The following FCF1 variants were observed in gnomAD, a reference collection of about 807,000 sequenced individuals.
The protein encoded by FCF1 is FCF1 rRNA-processing protein.
FCF1 carries 17 observed loss-of-function variants against 32.5 expected under a neutral mutation model. That is an observed-to-expected ratio of 0.52 (90% CI 0.36 to 0.78). FCF1 has a LOEUF of 0.78. Ranked by LOEUF, FCF1 falls within the 30% of genes least tolerant of loss-of-function variation. FCF1 has a pLI of 0.00. For synonymous variants in FCF1, 84 were observed against 78.4 expected (o/e 1.07, Z -0.38); for missense variants, 201 against 241.1 (o/e 0.83, Z 1.10).
At chr14:74,727,865 A>G (rs1291832152) in intron 5 of FCF1, among the ~76,000 whole-genome samples, 1 of 152,142 alleles carries the variant, frequency 6.6e-6, no homozygotes, top group Admixed American at 6.6e-5. Context: ...TAAATAGGGA[A>G]TCCTTTCCCC....
intron 3 of FCF1, chr14:74,715,672 A>G: frequency 4.0e-6 from 2 of 498,452 alleles, no homozygotes; most frequent in South Asian, 2.0e-5. Flanking sequence ...TGGTGATTCT[A>G]CTTTTGCTAG....
Position 74,713,180 on chromosome 14 carries a change from C to T in FCF1, c.-18C>T, listed in dbSNP as rs750165282. The T allele has an allele frequency of 2.2e-5, 36 of 1,614,012 alleles. No homozygotes were observed. The highest frequency in any genetic ancestry group is 3.0e-5 in the Non-Finnish European group (35 of 1,180,042). Reference sequence around the variant, plus strand: ...GCGCCGTTGGTGATTACGGAAGAACCAGGAGTTTGGCGTGACCATGGTGAG... The same window carrying T: ...GCGCCGTTGGTGATTACGGAAGAACTAGGAGTTTGGCGTGACCATGGTGAG... On this transcript the variant is annotated 5_prime_UTR_variant, in exon 1 of 8. Transcript: ENST00000341162.
Position 74,734,065 on chromosome 14 carries a change from GTCTC to G in FCF1, c.454-9_454-6del, listed in dbSNP as rs1257896731. On this transcript the variant is annotated splice_region_variant and splice_polypyrimidine_tract_variant and intron_variant, in intron 6 of 7. Transcript: ENST00000341162. ...GACCTCAGTGTGAACATCACTCCAT[GTCTC>G]TTACAGCATAAGTGTTACATTGTGG... The G allele has an allele frequency of 6.3e-7, 1 of 1,597,202 alleles. No homozygotes were observed. Among genetic ancestry groups the G allele is most frequent in the African/African-American group, 1.3e-5 (1 of 74,548 alleles).
intron 5 of FCF1, among the ~76,000 whole-genome samples, chr14:74,731,401 T>C (rs973186071): frequency 6.6e-6 from 1 of 152,188 alleles, no homozygotes; most frequent in African/African-American, 2.4e-5. Flanking sequence ...GTTGCCCACC[T>C]AGTTTGTCAG....
Position 74,716,055 on chromosome 14 carries a change from A to C in FCF1, c.248A>C (p.Lys83Thr), listed in dbSNP as rs745589030. 3.1e-6 allele frequency: 5 copies of C among 1,613,902 alleles called. No individual in the cohort carries two copies. Among genetic ancestry groups the C allele is most frequent in the Non-Finnish European group, 4.2e-6 (5 of 1,179,928 alleles). The stretch of plus-strand genomic sequence containing the variant: ...TTTATCAACTTTTCCATAAAAGCCA[A>C]ACTGGACTTAGTGCAGTCAATGATG... ...TNFINFSIKA[K>T]LDLVQSMMDC... is the part of the protein sequence containing the mutation. Residue 83 changes from lysine to threonine, a missense_variant, in exon 4 of 8, where the codon AAA becomes ACA. By Grantham distance (78) the Lys-to-Thr change is moderately conservative. Coordinates refer to ENST00000341162, the MANE Select transcript of FCF1 (RefSeq NM_015962.5).
At position 74,735,628 on chromosome 14, in the gene FCF1, G is replaced by A. The variant is rs2090697046; in HGVS notation, c.*698G>A. ...TCTGTCACCAGGCTGGAGTGCAGTG[G>A]CGTGATCTGGGCTCACTGCAACCCC... On this transcript the variant is annotated 3_prime_UTR_variant, in exon 8 of 8. Transcript: ENST00000341162. The A allele has an allele frequency of 6.6e-6, 1 of 151,390 alleles. No homozygotes were observed. Among genetic ancestry groups the A allele is most frequent in the African/African-American group, 2.4e-5 (1 of 41,008 alleles). 9.4% of individuals were successfully genotyped at this position (151,390 alleles called of 1,614,324 possible). A position where few individuals can be genotyped will look rare whatever the true frequency, so the allele number is the denominator to read the frequency against.
Position 74,735,146 on chromosome 14 carries a change from G to A in FCF1, c.*216G>A, listed in dbSNP as rs1214572444. The A allele has an allele frequency of 3.9e-5, 17 of 440,150 alleles. No homozygotes were observed. Among genetic ancestry groups the A allele is most frequent in the South Asian group, 8.7e-5 (3 of 34,416 alleles). 27.3% of individuals were successfully genotyped at this position (440,150 alleles called of 1,614,324 possible). On this transcript the variant is annotated 3_prime_UTR_variant, in exon 8 of 8. Transcript: ENST00000341162. ...TACCTTTTAAGCATTTTGTGGGGCC[G>A]CGGGGGTTGGGGGGAATCTGTGCAG...
intron 5 of FCF1, among the ~76,000 whole-genome samples, chr14:74,729,277 A>G (rs1175590378): frequency 6.6e-6 from 1 of 151,918 alleles, no homozygotes; most frequent in Non-Finnish European, 1.5e-5. Context: ...CCACAATTTC[A>G]GCTCCTGTTA....
rs2090395116 is a variant in FCF1, at chr14:74,714,875, A to G, written c.75A>G (p.Lys25=). ...RMLSLRDQRL[K]EKDRLKPKKK... The stretch of plus-strand genomic sequence containing the variant: ...TAATTTACCTTTTTCTTCCTAGTAA[A>G]GAAAAGGATAGATTAAAACCTAAAA... Residue 25 remains lysine, a synonymous_variant, in exon 3 of 8, where the codon AAA becomes AAG. Coordinates refer to ENST00000341162, the MANE Select transcript of FCF1 (RefSeq NM_015962.5). The G allele has an allele frequency of 6.4e-7, 1 of 1,572,214 alleles. No individual in the cohort carries two copies. Among genetic ancestry groups the G allele is most frequent in the African/African-American group, 1.4e-5 (1 of 72,694 alleles).
At chr14:74,713,794 A>G (rs1291705721) in intron 2 of FCF1, among the ~76,000 whole-genome samples, 1 of 152,188 alleles carries the variant, frequency 6.6e-6, no homozygotes, top group Non-Finnish European at 1.5e-5. Context: ...TTTGTCTGCC[A>G]TATCGCATTT....
intron 7 of FCF1, among the ~76,000 whole-genome samples, 183 bp from the exon 8 acceptor site, chr14:74,734,699 A>G (rs1037228644): frequency 6.6e-6 from 1 of 152,206 alleles, no homozygotes; most frequent in African/African-American, 2.4e-5. Context: ...TGAAAAAACA[A>G]TCATATTGTA....
chr14:74,724,387 A>C (rs1047388531), intron 5 of FCF1, among the ~76,000 whole-genome samples: 2 of 152,136 alleles, frequency 1.3e-5, no homozygotes, highest in African/African-American at 4.8e-5. Context: ...GGGCTTAAGC[A>C]GTCCTCCTGC....
intron 4 of FCF1, among the ~76,000 whole-genome samples, chr14:74,721,778 A>C (rs2090507133): frequency 6.6e-6 from 1 of 152,222 alleles, no homozygotes. Context: ...TATTGTTTAA[A>C]TACATAATTT....
intron 5 of FCF1, among the ~76,000 whole-genome samples, chr14:74,732,030 C>G (rs1450289383): frequency 6.6e-6 from 1 of 152,120 alleles, no homozygotes; most frequent in African/African-American, 2.4e-5. Flanking sequence ...TTTGTCCATT[C>G]TCATACCCCA....
intron 5 of FCF1, among the ~76,000 whole-genome samples, chr14:74,729,412 G>A (rs2090607955): frequency 6.6e-6 from 1 of 152,098 alleles, no homozygotes; most frequent in African/African-American, 2.4e-5. Flanking sequence ...AGTATTCTCT[G>A]ATGGTAGTTT....
intron 1 of FCF1, 86 bp from the exon 2 acceptor site, chr14:74,713,399 G>T: frequency 6.5e-7 from 1 of 1,536,294 alleles, no homozygotes; most frequent in South Asian, 1.1e-5. Flanking sequence ...AGGCAAGAAG[G>T]GAAGGCAATA....
chr14:74,734,121 A>G lies in FCF1; in HGVS notation c.499A>G (p.Arg167Gly), dbSNP rs749609416. Residue 167 changes from arginine to glycine, a missense_variant, in exon 7 of 8, where the codon AGA becomes GGA. This residue lies in a region of FCF1 where 121 missense variants were observed against 147.8 expected (regional missense o/e 0.82). Transcript: ENST00000341162. The stretch of plus-strand genomic sequence containing the variant: ...CACAGTTGACCGGGACCTGAAAAGA[A>G]GAATCCGTAAGATTCCTGGAGTTCC... ...VATVDRDLKR[R>G]IRKIPGVPIM... The G allele has an allele frequency of 2.5e-6, 4 of 1,613,748 alleles. No homozygotes were observed. Among genetic ancestry groups the G allele is most frequent in the Non-Finnish European group, 3.4e-6 (4 of 1,179,786 alleles).
rs375864204 is a variant in FCF1 at position 74,734,413 on chromosome 14, TA to T, written c.548+246del. On this transcript the variant is annotated intron_variant, in intron 7 of 7. Transcript: ENST00000341162. Reference sequence around the variant, plus strand: ...ACTGGAAGAAATAGACGTATTGTTTTAAATAAAAGCAGTAATTTAAATCAAG... The same window carrying T: ...ACTGGAAGAAATAGACGTATTGTTTTAATAAAAGCAGTAATTTAAATCAAG... Among the ~76,000 whole-genome samples, 222 of 152,266 alleles carry T rather than the reference TA, an allele frequency of 1.5e-3. 5 individuals are homozygous for T. The East Asian group carries it at 0.04, about 27-fold the overall frequency.
intron 4 of FCF1, among the ~76,000 whole-genome samples, chr14:74,720,664 T>A (rs1037508998): frequency 1.3e-5 from 2 of 152,170 alleles, no homozygotes; most frequent in African/African-American, 4.8e-5. Context: ...TTCTTTTATT[T>A]TGAGTCAAGG....
Sources: gnomAD v4.1 joint callset for allele counts (sites outside exome capture counted in the v4.1 genomes callset) on GRCh38, gnomAD v4.1.1 for gene constraint, gnomAD v4.1.1 regional missense constraint, MANE v1.5 for transcripts, NCBI Gene and HGNC (gene_info 2026-07-23, HGNC 2026-07-21) for gene names.